Variants in SGCG observed in about 807,000 individuals in gnomAD.
SGCG encodes gamma-sarcoglycan.
Under a neutral mutation model 29.3 loss-of-function variants are expected in SGCG, and 26 were observed. The ratio of observed to expected loss-of-function variants is 0.89; its 90% confidence interval spans 0.65 to 1.23. The LOEUF (loss-of-function observed/expected upper bound fraction) is 1.23, where lower values mean the gene tolerates loss of function less well. Among genes scored for constraint, SGCG ranks in the 50% most tolerant of loss-of-function variants. The probability of loss-of-function intolerance (pLI) is 0.00; values close to 1 mark genes in which losing one functional copy is unlikely to be tolerated. For synonymous variants in SGCG, 145 were observed against 129.7 expected (o/e 1.12, Z -0.80); for missense variants, 353 against 356.0 (o/e 0.99, Z 0.07).
At chr13:23,183,919 G>A (rs1876856041) in intron 1 of SGCG, among the ~76,000 whole-genome samples, 1 of 152,136 alleles carries the variant, frequency 6.6e-6, no homozygotes, top group African/African-American at 2.4e-5. Context: ...ACCCGCCTCG[G>A]CCTCCCAAAG....
intron 6 of SGCG, among the ~76,000 whole-genome samples, chr13:23,299,456 A>ATATTTTTT (rs1882059808): frequency 1.2e-4 from 5 of 41,540 alleles, no homozygotes; most frequent in Non-Finnish European, 1.9e-4. Flanking sequence ...ATATATATAT[A>ATATTTTTT]TTTTTTTTTT....
chr13:23,222,140 G>A (rs191776308), intron 2 of SGCG, among the ~76,000 whole-genome samples: 163 of 152,236 alleles, frequency 1.1e-3, no homozygotes, highest in African/African-American at 3.8e-3. Context: ...TTCTTATGAA[G>A]GGCCGTCGAT....
At chr13:23,260,767 C>T (rs1000755974) in intron 4 of SGCG, among the ~76,000 whole-genome samples, 2 of 151,878 alleles carry the variant, frequency 1.3e-5, no homozygotes, top group East Asian at 3.9e-4. Context: ...TCAGCATTTG[C>T]TTATCTGTAC....
chr13:23,274,951 T>C (rs894660023), intron 4 of SGCG, among the ~76,000 whole-genome samples: 5 of 152,002 alleles, frequency 3.3e-5, no homozygotes, highest in African/African-American at 1.2e-4. Context: ...ATTAGATTTT[T>C]TCAGTTCAGT....
intron 2 of SGCG, among the ~76,000 whole-genome samples, chr13:23,205,650 T>A (rs937569903): frequency 6.6e-6 from 1 of 152,184 alleles, no homozygotes; most frequent in Admixed American, 6.5e-5. Context: ...ATTATAAATT[T>A]GGATTAAATT....
chr13:23,307,234 G>C (rs759251907), intron 6 of SGCG, among the ~76,000 whole-genome samples: 2 of 152,110 alleles, frequency 1.3e-5, no homozygotes, highest in African/African-American at 4.8e-5. Flanking sequence ...AGACTGAATT[G>C]GGTATGTCAT....
rs894601134 is a variant in SGCG, at chr13:23,317,111, C to T, written c.579-3526C>T. ...TTGGGAGGCTGAGGCAGGAGAATGG[C>T]GTGAACCCAGGAGGCAGAGCTTGTA... is the stretch of plus-strand genomic sequence containing the variant. On this transcript the variant is annotated intron_variant, in intron 6 of 7. Coordinates refer to ENST00000218867, the MANE Select transcript of SGCG (RefSeq NM_000231.3). Among the ~76,000 whole-genome samples, 4 of 152,068 alleles carry T rather than the reference C, an allele frequency of 2.6e-5. No individual in the cohort carries two copies. The East Asian group carries it at 5.8e-4, about 22-fold the overall frequency.
chr13:23,165,527 C>CT, the SGCG span, among the ~76,000 whole-genome samples: 52,686 of 143,724 alleles, frequency 0.37, 11,466 homozygotes, highest in East Asian at 0.63. Context: ...AGGAGGCAAA[C>CT]TTTTTTTTTT....
intron 3 of SGCG, among the ~76,000 whole-genome samples, chr13:23,242,645 GT>G (rs1879554636): frequency 6.6e-6 from 1 of 152,026 alleles, no homozygotes; most frequent in African/African-American, 2.4e-5. Context: ...TCTAAATGGC[GT>G]AAAATTTTTC....
At chr13:23,298,037 G>A (rs76904962) in intron 6 of SGCG, among the ~76,000 whole-genome samples, 54,878 of 150,118 alleles carry the variant, frequency 0.37, 10,530 homozygotes, top group East Asian at 0.79. Context: ...GAGCCACCGC[G>A]GCCAGCCAAC....
chr13:23,246,363 G>A (rs1879709765), intron 3 of SGCG: 1 of 152,236 alleles, frequency 6.6e-6, no homozygotes, highest in Non-Finnish European at 1.5e-5. Flanking sequence ...GGCAGCCAAA[G>A]CAACAGGGTT....
chr13:23,167,470 T>A, the SGCG span, among the ~76,000 whole-genome samples: 3 of 152,316 alleles, frequency 2.0e-5, no homozygotes, highest in South Asian at 2.1e-4. Context: ...TTAGTCTTTT[T>A]CTCCAAACTG....
Position 23,225,872 on chromosome 13 carries a change from G to A in SGCG, c.196-8739G>A, listed in dbSNP as rs139675050. On this transcript the variant is annotated intron_variant, in intron 2 of 7. Transcript: ENST00000218867. ...ATATGTATAGAAAATGGTGAGTTCA[G>A]ACAAATTTCAATTTCTGTTCAATAT... Among the ~76,000 whole-genome samples, 477 of 152,042 alleles carry A rather than the reference G, an allele frequency of 3.1e-3. 2 individuals are homozygous for A. Among genetic ancestry groups the A allele is most frequent in the Non-Finnish European group, 5.1e-3 (344 of 68,000 alleles).
At chr13:23,247,954 T>TAAAA (rs200707498) in intron 3 of SGCG, among the ~76,000 whole-genome samples, 12 of 110,722 alleles carry the variant, frequency 1.1e-4, no homozygotes, top group African/African-American at 4.4e-4. Context: ...TCCCATCTCT[T>TAAAA]AAAAAAAAAA....
At chr13:23,241,642 T>G (rs1036684566) in intron 3 of SGCG, among the ~76,000 whole-genome samples, 10 of 152,072 alleles carry the variant, frequency 6.6e-5, no homozygotes, top group African/African-American at 2.4e-4. Flanking sequence ...AGCCATGATA[T>G]CAAAACCAAA....
chr13:23,240,062 A>G (rs1451931308), intron 3 of SGCG, among the ~76,000 whole-genome samples: 1 of 152,210 alleles, frequency 6.6e-6, no homozygotes, highest in Non-Finnish European at 1.5e-5. Flanking sequence ...TATGCCATCT[A>G]GAAGAAACCT....
chr13:23,173,818 A>G, the SGCG span, among the ~76,000 whole-genome samples: 1 of 152,218 alleles, frequency 6.6e-6, no homozygotes, highest in Non-Finnish European at 1.5e-5. Context: ...ATGTAAAAGG[A>G]AATAAATTGG....
chr13:23,264,693 T>A (rs115201718), intron 4 of SGCG, among the ~76,000 whole-genome samples: 6,231 of 152,264 alleles, frequency 0.041, 458 homozygotes, highest in African/African-American at 0.14. Context: ...AAGGCTGTAG[T>A]AACCCAAACA....
chr13:23,160,968 G>A, the SGCG span, among the ~76,000 whole-genome samples: 2 of 152,196 alleles, frequency 1.3e-5, no homozygotes, highest in African/African-American at 2.4e-5. Flanking sequence ...AACTTCCTGT[G>A]TGCGTGTGTG....
Sources: gnomAD v4.1 joint callset for allele counts (sites outside exome capture counted in the v4.1 genomes callset) on GRCh38, gnomAD v4.1.1 for gene constraint, MANE v1.5 for transcripts, NCBI Gene and HGNC (gene_info 2026-07-23, HGNC 2026-07-21) for gene names.